The following CDH18 variants were observed in gnomAD, a reference collection of about 807,000 sequenced individuals.
The protein encoded by CDH18 is cadherin-18.
In CDH18, 31 loss-of-function variants were observed where a neutral mutation model predicts 67.9. The observed-to-expected ratio is 0.46, with a 90% CI of 0.34 to 0.62. The LOEUF is 0.62. Ranked by LOEUF, CDH18 falls within the 20% of genes least tolerant of loss-of-function variation. CDH18 has a pLI of 0.01. For synonymous variants in CDH18, 362 were observed against 347.2 expected, an observed-to-expected ratio of 1.04 and a Z score of -0.48; for missense variants, 890 against 975.5, an observed-to-expected ratio of 0.91 and a Z score of 1.17.
intron 9 of CDH18, among the ~76,000 whole-genome samples, chr5:19,528,160 A>G (rs190254036): frequency 1.7e-3 from 261 of 151,762 alleles, no homozygotes; most frequent in African/African-American, 5.9e-3. Flanking sequence ...TATAACATTT[A>G]TTTTCTACTT....
intron 2 of CDH18, among the ~76,000 whole-genome samples, chr5:19,952,445 A>G (rs1795892075): frequency 1.3e-5 from 2 of 152,206 alleles, no homozygotes; most frequent in South Asian, 4.1e-4. Context: ...TGGTTAACTG[A>G]TCCTTTTATG....
intron 2 of CDH18, among the ~76,000 whole-genome samples, chr5:20,150,418 T>C (rs960335776): frequency 6.6e-6 from 1 of 151,904 alleles, no homozygotes; most frequent in Non-Finnish European, 1.5e-5. Context: ...GCTTAAAAAG[T>C]AGAGATGCCT....
chr5:20,278,978 G>C (rs1471581894), intron 1 of CDH18, among the ~76,000 whole-genome samples: 1 of 151,866 alleles, frequency 6.6e-6, no homozygotes, highest in African/African-American at 2.4e-5. Flanking sequence ...TGGAAGCCAA[G>C]AAAGGAGGAA....
rs1781561282 is a variant in CDH18 at position 19,835,844 on chromosome 5, A to G, written c.228+2915T>C. Among the ~76,000 whole-genome samples, 3 of 152,160 alleles carry G rather than the reference A, an allele frequency of 2.0e-5. No homozygotes were observed. In the South Asian group the frequency reaches 6.2e-4, roughly 32 times the overall value. ...ACCTTTTATACCTGTGCATTTGTCC[A>G]TCCATACTACAGACAACAGAATAGA... On this transcript the variant is annotated intron_variant, in intron 3 of 12. Coordinates refer to ENST00000382275, the MANE Select transcript of CDH18 (RefSeq NM_004934.5).
At chr5:20,196,933 A>T (rs1220757325) in intron 2 of CDH18, among the ~76,000 whole-genome samples, 1 of 152,172 alleles carries the variant, frequency 6.6e-6, no homozygotes, top group Admixed American at 6.5e-5. Flanking sequence ...AGTGAATGCC[A>T]TTGGCCTGGG....
At position 19,752,737 on chromosome 5, in the gene CDH18, G is replaced by C. The variant is rs149262673; in HGVS notation, c.229-5501C>G. 1.3e-3 allele frequency among the ~76,000 whole-genome samples: 205 copies of C among 152,274 alleles called. 1 individual carries two copies. The highest frequency in any genetic ancestry group is 4.7e-3 in the African/African-American group (195 of 41,558). On this transcript the variant is annotated intron_variant, in intron 3 of 12. Transcript: ENST00000382275. ...AAGGCCAACCAGCACACAAAAAAGA[G>C]CATTAAACCACCAAAGTTAAGAACA...
At chr5:20,312,773 T>C (rs1186990730) in intron 1 of CDH18, among the ~76,000 whole-genome samples, 2 of 152,126 alleles carry the variant, frequency 1.3e-5, no homozygotes, top group Non-Finnish European at 2.9e-5. Flanking sequence ...CCTTAGAAAA[T>C]CTATTACTAT....
In CDH18 at chr5:19,524,705, C is replaced by T. The variant is rs114038820; in HGVS notation, c.1391-3927G>A. Among the ~76,000 whole-genome samples, 510 of 152,190 alleles carry T rather than the reference C, an allele frequency of 3.4e-3. 1 individual carries two copies. Among genetic ancestry groups the T allele is most frequent in the African/African-American group, 0.012 (487 of 41,548 alleles). On this transcript the variant is annotated intron_variant, in intron 9 of 12. Coordinates refer to ENST00000382275, the MANE Select transcript of CDH18 (RefSeq NM_004934.5). The stretch of plus-strand genomic sequence containing the variant: ...TAAGAATAATTTTGTAAGCTCTAGT[C>T]ATAGGTATCAGCAACCTTACTTGTT...
At chr5:19,778,873 C>G (rs1443439795) in intron 3 of CDH18, among the ~76,000 whole-genome samples, 1 of 152,182 alleles carries the variant, frequency 6.6e-6, no homozygotes, top group African/African-American at 2.4e-5. Flanking sequence ...CTCTGCAGCC[C>G]CTGTTTCCTT....
chr5:19,654,515 C>T (rs1419953292), intron 5 of CDH18, among the ~76,000 whole-genome samples: 1 of 152,232 alleles, frequency 6.6e-6, no homozygotes, highest in Non-Finnish European at 1.5e-5. Flanking sequence ...AGAGGGAGCA[C>T]GCAGACAGGC....
chr5:19,667,642 T>C (rs1032715104), intron 5 of CDH18, among the ~76,000 whole-genome samples: 1 of 111,174 alleles, frequency 9.0e-6, no homozygotes, highest in Non-Finnish European at 2.2e-5. Flanking sequence ...ATATATTATT[T>C]GCCAATTTAA....
intron 9 of CDH18, among the ~76,000 whole-genome samples, chr5:19,538,846 T>G (rs1749806085): frequency 6.6e-6 from 1 of 152,150 alleles, no homozygotes; most frequent in African/African-American, 2.4e-5. Context: ...GGTAGCCTTA[T>G]AAAAGTACTT....
At chr5:19,960,645 ACACG>A (rs1196865150) in intron 2 of CDH18, among the ~76,000 whole-genome samples, 1 of 120,494 alleles carries the variant, frequency 8.3e-6, no homozygotes, top group Non-Finnish European at 1.5e-5. Flanking sequence ...GTATACATAT[ACACG>A]TGTATATATA....
chr5:20,116,475 C>A (rs1336701610), intron 2 of CDH18, among the ~76,000 whole-genome samples: 1 of 151,564 alleles, frequency 6.6e-6, no homozygotes, highest in Admixed American at 6.6e-5. Context: ...GAGATTGCAC[C>A]ACTACACTCC....
intron 1 of CDH18, among the ~76,000 whole-genome samples, chr5:20,542,324 T>G (rs1267775126): frequency 6.6e-6 from 1 of 151,626 alleles, no homozygotes; most frequent in Non-Finnish European, 1.5e-5. Flanking sequence ...TTACTATTAT[T>G]ATAATTATTA....
At chr5:20,029,157 C>T (rs1739170095) in intron 2 of CDH18, among the ~76,000 whole-genome samples, 1 of 152,096 alleles carries the variant, frequency 6.6e-6, no homozygotes, top group Non-Finnish European at 1.5e-5. Flanking sequence ...AGCATTTAAA[C>T]ATCTCAATTG....
intron 3 of CDH18, among the ~76,000 whole-genome samples, chr5:19,777,393 A>G: frequency 6.6e-6 from 1 of 152,208 alleles, no homozygotes; most frequent in Non-Finnish European, 1.5e-5. Context: ...ACACAAGATA[A>G]CAGATGGAAG....
At chr5:20,190,698 T>C (rs1215416344) in intron 2 of CDH18, among the ~76,000 whole-genome samples, 1 of 151,986 alleles carries the variant, frequency 6.6e-6, no homozygotes, top group Non-Finnish European at 1.5e-5. Context: ...AATAGAAAAA[T>C]ATTTGAGAAA....
intron 2 of CDH18, among the ~76,000 whole-genome samples, chr5:20,105,212 C>G (rs1403280548): frequency 6.6e-6 from 1 of 152,076 alleles, no homozygotes; most frequent in Non-Finnish European, 1.5e-5. Context: ...CTCTTGAACT[C>G]CTGACCTCAG....
Sources: allele counts gnomAD v4.1 joint callset (sites outside exome capture counted in the v4.1 genomes callset), GRCh38; gene constraint gnomAD v4.1.1; transcripts MANE v1.5; gene names NCBI Gene and HGNC (gene_info 2026-07-23, HGNC 2026-07-21).